Variants in RTL4 observed in about 807,000 individuals in gnomAD.
RTL4 encodes retrotransposon Gag like 4, also known as retrotransposon Gag-like protein 4.
A neutral mutation model predicts 5.3 loss-of-function variants in RTL4; 4 were observed. The ratio of observed to expected loss-of-function variants is 0.75; its 90% CI spans 0.37 to 1.72. RTL4 has a LOEUF of 1.72. Ranked by LOEUF, RTL4 falls within the 40% of genes most tolerant of loss-of-function variation. RTL4 has a pLI of 0.04. For synonymous variants in RTL4, 98 were observed against 87.3 expected (o/e 1.12, Z -0.68); for missense variants, 260 against 227.1 (o/e 1.14, Z -0.93).
chrX:112,176,043 A>T, the RTL4 span, among the ~76,000 whole-genome samples: 1 of 110,872 alleles, frequency 9.0e-6, no homozygotes, highest in East Asian at 2.8e-4. Context: ...TCAGGATACA[A>T]AATCAATGTA....
At chrX:112,152,869 C>A in the RTL4 span, among the ~76,000 whole-genome samples, 3 of 111,270 alleles carry the variant, frequency 2.7e-5, no homozygotes, top group East Asian at 8.5e-4. Flanking sequence ...AAGGAAGATG[C>A]CTTAGGAAGT....
the RTL4 span, among the ~76,000 whole-genome samples, chrX:112,111,281 G>A: frequency 1.5e-3 from 155 of 103,344 alleles, no homozygotes; most frequent in Admixed American, 6.8e-3. Flanking sequence ...CTTTCTCTCC[G>A]ACTCCCTCTT....
exon 1 of RTL4, chrX:112,455,165 C>T (rs1778961816): frequency 3.3e-6 from 4 of 1,211,473 alleles, no homozygotes; most frequent in African/African-American, 1.7e-5. Context: ...GAAATCAATC[C>T]TCTGATGAAT....
chrX:112,391,635 A>T, the RTL4 span, among the ~76,000 whole-genome samples: 1 of 107,504 alleles, frequency 9.3e-6, no homozygotes, highest in Admixed American at 1.0e-4. Flanking sequence ...GGTGGCACTT[A>T]GGTGTTTTGG....
At chrX:112,350,474 G>T in the RTL4 span, among the ~76,000 whole-genome samples, 1 of 109,910 alleles carries the variant, frequency 9.1e-6, no homozygotes. Context: ...GTAGAATTCG[G>T]CTGTGAATCC....
chrX:112,392,489 A>G, the RTL4 span, among the ~76,000 whole-genome samples: 1 of 111,764 alleles, frequency 8.9e-6, no homozygotes, highest in African/African-American at 3.3e-5. Context: ...ACCTGTTGCC[A>G]TTCAGAACAC....
At chrX:112,203,330 A>G in the RTL4 span, among the ~76,000 whole-genome samples, 2 of 111,495 alleles carry the variant, frequency 1.8e-5, no homozygotes, top group Non-Finnish European at 3.8e-5. Flanking sequence ...ATCTTTGCCT[A>G]TTCCTAGAGT....
the RTL4 span, among the ~76,000 whole-genome samples, chrX:112,431,362 T>A: frequency 8.9e-6 from 1 of 111,940 alleles, no homozygotes; most frequent in African/African-American, 3.2e-5. Flanking sequence ...ATAAAGGGAA[T>A]TTTCTACAGT....
chrX:112,297,797 A>G, the RTL4 span, among the ~76,000 whole-genome samples: 1 of 111,693 alleles, frequency 9.0e-6, no homozygotes, highest in Non-Finnish European at 1.9e-5. Flanking sequence ...TAGATTTTTC[A>G]TAGGCCTACT....
At chrX:112,238,757 G>A in the RTL4 span, among the ~76,000 whole-genome samples, 1 of 111,059 alleles carries the variant, frequency 9.0e-6, no homozygotes, top group Non-Finnish European at 1.9e-5. Flanking sequence ...GGAACCAACA[G>A]GCACAGACAA....
chrX:112,365,992 G>C, the RTL4 span, among the ~76,000 whole-genome samples: 1 of 111,236 alleles, frequency 9.0e-6, no homozygotes, highest in Non-Finnish European at 1.9e-5. Flanking sequence ...CTTCACTTCA[G>C]ATGTCCTCCT....
chrX:112,412,554 A>G, the RTL4 span, among the ~76,000 whole-genome samples: 1 of 111,569 alleles, frequency 9.0e-6, no homozygotes, highest in Non-Finnish European at 1.9e-5. Flanking sequence ...AAATTCATAC[A>G]TGTACATTAA....
exon 1 of RTL4, chrX:112,454,807 C>T: frequency 5.0e-6 from 6 of 1,210,195 alleles, no homozygotes; most frequent in Non-Finnish European, 6.7e-6. Context: ...GATTCTGCGG[C>T]TTCAAATGCA....
the RTL4 span, among the ~76,000 whole-genome samples, chrX:112,393,070 A>T: frequency 9.1e-6 from 1 of 109,744 alleles, no homozygotes; most frequent in East Asian, 2.9e-4. Flanking sequence ...CCCAGTGAAG[A>T]GGAATGGGAT....
the RTL4 span, among the ~76,000 whole-genome samples, chrX:112,150,462 T>G: frequency 1.9e-3 from 211 of 112,138 alleles, 2 homozygotes; most frequent in African/African-American, 6.7e-3. Context: ...CACTTTCCTT[T>G]CTTTTATTTT....
the RTL4 span, among the ~76,000 whole-genome samples, chrX:112,285,415 CT>C: frequency 1.8e-5 from 2 of 111,689 alleles, no homozygotes; most frequent in Admixed American, 9.5e-5. Flanking sequence ...TAGATGGATC[CT>C]TTTAAAATAT....
At chrX:112,423,224 A>C in the RTL4 span, among the ~76,000 whole-genome samples, 1 of 110,475 alleles carries the variant, frequency 9.1e-6, no homozygotes, top group South Asian at 3.9e-4. Flanking sequence ...TTTCAGGTAT[A>C]GATAAAGGGA....
the RTL4 span, among the ~76,000 whole-genome samples, chrX:112,248,427 T>C: frequency 8.9e-6 from 1 of 112,368 alleles, no homozygotes; most frequent in African/African-American, 3.2e-5. Flanking sequence ...AATTTGCTGC[T>C]TTAAACCAAA....
At chrX:112,091,986 C>T in the RTL4 span, among the ~76,000 whole-genome samples, 1 of 111,197 alleles carries the variant, frequency 9.0e-6, no homozygotes, top group Non-Finnish European at 1.9e-5. Context: ...TTCTTTGTCT[C>T]TTGTAATAAT....
Sources: gnomAD v4.1 joint callset for allele counts (sites outside exome capture counted in the v4.1 genomes callset) on GRCh38, gnomAD v4.1.1 for gene constraint, MANE v1.5 for transcripts, NCBI Gene and HGNC (gene_info 2026-07-23, HGNC 2026-07-21) for gene names.